Variants in NYAP2 observed in about 807,000 individuals in gnomAD.
NYAP2 encodes neuronal tyrosine-phosphorylated phosphoinositide-3-kinase adapter 2.
Under a neutral mutation model 50.4 loss-of-function variants are expected in NYAP2, and 23 were observed. The observed-to-expected ratio is 0.46, with a 90% confidence interval of 0.33 to 0.65. The LOEUF is 0.65. NYAP2 is among the 30% of genes least tolerant of loss of function. The pLI, the probability that NYAP2 is intolerant of heterozygous loss-of-function variation, is 0.02. For missense variants in NYAP2, 885 were observed against 861.0 expected (o/e 1.03, Z -0.35); for synonymous variants, 394 against 365.2 (o/e 1.08, Z -0.90).
intron 3 of NYAP2, among the ~76,000 whole-genome samples, chr2:225,459,875 G>T (rs186783891): frequency 6.6e-6 from 1 of 151,996 alleles, no homozygotes; most frequent in African/African-American, 2.4e-5. Flanking sequence ...GGGTTTCACC[G>T]TGTTAGCCCG....
At chr2:225,457,835 C>G (rs1020473332) in intron 3 of NYAP2, among the ~76,000 whole-genome samples, 2 of 152,160 alleles carry the variant, frequency 1.3e-5, no homozygotes, top group South Asian at 4.1e-4. Flanking sequence ...CTGTATTAAA[C>G]ATCATGAGAG....
chr2:225,693,488 G>A, the NYAP2 span, among the ~76,000 whole-genome samples: 29 of 151,984 alleles, frequency 1.9e-4, no homozygotes, highest in African/African-American at 6.3e-4. Flanking sequence ...TTTCTTGTCC[G>A]TTTGGGGTGC....
At chr2:225,624,174 T>C (rs1440008400) in intron 5 of NYAP2, among the ~76,000 whole-genome samples, 2 of 152,242 alleles carry the variant, frequency 1.3e-5, no homozygotes, top group Non-Finnish European at 2.9e-5. Context: ...CAGAGATCTC[T>C]GAGCCTTTAC....
At chr2:225,673,037 G>A in the NYAP2 span, among the ~76,000 whole-genome samples, 3 of 151,914 alleles carry the variant, frequency 2.0e-5, no homozygotes, top group East Asian at 5.8e-4. Context: ...AGGTTTAATG[G>A]ACTTACAGTT....
chr2:225,462,059 T>C (rs552525104), intron 3 of NYAP2, among the ~76,000 whole-genome samples: 1 of 152,214 alleles, frequency 6.6e-6, no homozygotes, highest in Non-Finnish European at 1.5e-5. Flanking sequence ...TCTGTCTGTA[T>C]GTCATATAAA....
chr2:225,440,484 G>A (rs1689452178), intron 3 of NYAP2, among the ~76,000 whole-genome samples: 1 of 152,138 alleles, frequency 6.6e-6, no homozygotes, highest in African/African-American at 2.4e-5. Context: ...GAAGCATTGT[G>A]GTTCTTTAAG....
chr2:225,512,139 A>G (rs1690829832), intron 3 of NYAP2, among the ~76,000 whole-genome samples: 1 of 152,186 alleles, frequency 6.6e-6, no homozygotes, highest in African/African-American at 2.4e-5. Context: ...AATAGCATAG[A>G]CAGAGGCCCA....
At chr2:225,494,874 C>T (rs1332210277) in intron 3 of NYAP2, among the ~76,000 whole-genome samples, 1 of 152,076 alleles carries the variant, frequency 6.6e-6, no homozygotes, top group African/African-American at 2.4e-5. Context: ...TTGGATTTCA[C>T]AAGAATGTTC....
At chr2:225,681,045 C>CA in the NYAP2 span, among the ~76,000 whole-genome samples, 3 of 152,174 alleles carry the variant, frequency 2.0e-5, no homozygotes, top group African/African-American at 7.2e-5. Flanking sequence ...GAAAGTAACA[C>CA]AGCTATTGCA....
intron 4 of NYAP2, among the ~76,000 whole-genome samples, chr2:225,541,152 A>G (rs775697011): frequency 2.0e-5 from 3 of 152,076 alleles, no homozygotes; most frequent in Non-Finnish European, 4.4e-5. Context: ...ATTTTTTACT[A>G]TAGAGTTGTT....
In NYAP2 at chr2:225,536,803, G is replaced by A. The variant is rs563311561; in HGVS notation, c.523+23131G>A. ...TTTCTTTCTTTTTTTTTTTGAGACAGAGTCTTGCTCTGTCACCCAGGATGG... is the reference window on the plus strand; with the variant it reads ...TTTCTTTCTTTTTTTTTTTGAGACAAAGTCTTGCTCTGTCACCCAGGATGG... On this transcript the variant is annotated intron_variant, in intron 4 of 6. Transcript: ENST00000636099. 4.0e-5 allele frequency among the ~76,000 whole-genome samples: 6 copies of A among 150,120 alleles called. No homozygotes were observed. The South Asian group carries it at 1.3e-3, about 32-fold the overall frequency.
intron 3 of NYAP2, among the ~76,000 whole-genome samples, chr2:225,508,163 A>G (rs1313601932): frequency 6.6e-6 from 1 of 152,234 alleles, no homozygotes; most frequent in Non-Finnish European, 1.5e-5. Context: ...ATTCAGGATT[A>G]TGAAACTTGT....
chr2:225,451,217 G>T lies in NYAP2; in HGVS notation c.221+42116G>T, dbSNP rs905003329. On this transcript the variant is annotated intron_variant, in intron 3 of 6. Transcript: ENST00000636099. The stretch of plus-strand genomic sequence containing the variant: ...GGAGGCAGAAGATCCGTCTACAGCT[G>T]CCAGGCACCAGGAAGGCAAGAAACT... 5.9e-5 allele frequency among the ~76,000 whole-genome samples: 9 copies of T among 152,130 alleles called. No individual in the cohort carries two copies. The East Asian group carries it at 1.7e-3, about 29-fold the overall frequency.
the NYAP2 span, among the ~76,000 whole-genome samples, chr2:225,674,883 AT>A: frequency 1.3e-5 from 2 of 152,036 alleles, no homozygotes; most frequent in Non-Finnish European, 2.9e-5. Flanking sequence ...TGTATTTTGA[AT>A]GTTATATTTC....
chr2:225,436,024 T>A (rs895981572), intron 3 of NYAP2, among the ~76,000 whole-genome samples: 2 of 152,196 alleles, frequency 1.3e-5, no homozygotes, highest in African/African-American at 4.8e-5. Flanking sequence ...ATAAAATTAT[T>A]TATTGATCAC....
At chr2:225,440,434 C>T (rs1300878821) in intron 3 of NYAP2, among the ~76,000 whole-genome samples, 3 of 152,102 alleles carry the variant, frequency 2.0e-5, no homozygotes, top group Admixed American at 1.3e-4. Flanking sequence ...GGTTTGTGTT[C>T]AAATATTCAC....
chr2:225,687,793 T>C, the NYAP2 span, among the ~76,000 whole-genome samples: 1 of 152,222 alleles, frequency 6.6e-6, no homozygotes, highest in African/African-American at 2.4e-5. Context: ...ACTTGCATGT[T>C]GTACCCAGTA....
intron 2 of NYAP2, among the ~76,000 whole-genome samples, chr2:225,404,896 G>A (rs1410894812): frequency 6.6e-6 from 1 of 151,968 alleles, no homozygotes; most frequent in African/African-American, 2.4e-5. Flanking sequence ...GATTGTATAG[G>A]AAATCCGATG....
At chr2:225,602,679 A>G (rs1044578904) in intron 5 of NYAP2, among the ~76,000 whole-genome samples, 5 of 152,196 alleles carry the variant, frequency 3.3e-5, no homozygotes, top group Non-Finnish European at 7.3e-5. Flanking sequence ...ATTCTTTTAC[A>G]TATGGATATT....
Sources: allele counts gnomAD v4.1 joint callset (sites outside exome capture counted in the v4.1 genomes callset), GRCh38; gene constraint gnomAD v4.1.1; transcripts MANE v1.5; gene names NCBI Gene and HGNC (gene_info 2026-07-23, HGNC 2026-07-21).